Variants in FAM151B observed in about 807,000 individuals in gnomAD.
FAM151B encodes the protein protein FAM151B.
FAM151B carries 24 observed loss-of-function variants against 31.2 expected under a neutral mutation model. The ratio of observed to expected loss-of-function variants is 0.77; its 90% CI spans 0.56 to 1.08. The LOEUF (loss-of-function observed/expected upper bound fraction) is 1.08. FAM151B is among the 50% of genes least tolerant of loss of function. The pLI is 0.00. For synonymous variants in FAM151B, 105 were observed against 111.4 expected (o/e 0.94, Z 0.36); for missense variants, 293 against 328.6 (o/e 0.89, Z 0.84).
At chr5:80,491,498 C>T (rs1743329035) in intron 1 of FAM151B, among the ~76,000 whole-genome samples, 1 of 152,202 alleles carries the variant, frequency 6.6e-6, no homozygotes, top group African/African-American at 2.4e-5. Flanking sequence ...GCTGGAGTTA[C>T]AGTTGTGAGC....
chr5:80,526,674 A>G (rs904730508), intron 5 of FAM151B, among the ~76,000 whole-genome samples: 1 of 152,132 alleles, frequency 6.6e-6, no homozygotes, highest in East Asian at 1.9e-4. Flanking sequence ...AAAAAAATTT[A>G]TTCTCTTCAA....
intron 5 of FAM151B, among the ~76,000 whole-genome samples, chr5:80,528,569 C>T (rs1745076988): frequency 6.6e-6 from 1 of 151,964 alleles, no homozygotes; most frequent in Non-Finnish European, 1.5e-5. Context: ...AGTAGATATA[C>T]TTATATGAGA....
At chr5:80,499,004 TGGC>T (rs1214053606) in intron 1 of FAM151B, 3 of 172,634 alleles carry the variant, frequency 1.7e-5, no homozygotes, top group African/African-American at 7.3e-5. Flanking sequence ...CCACCACAGA[TGGC>T]AGATGGAAAA....
intron 5 of FAM151B, among the ~76,000 whole-genome samples, chr5:80,523,496 C>T (rs2112648752): frequency 6.6e-6 from 1 of 152,184 alleles, no homozygotes; most frequent in South Asian, 2.1e-4. Context: ...AATAGACGTT[C>T]ACATAAGCAC....
intron 2 of FAM151B, among the ~76,000 whole-genome samples, chr5:80,509,206 T>C (rs886793833): frequency 6.6e-6 from 1 of 151,970 alleles, no homozygotes; most frequent in Non-Finnish European, 1.5e-5. Context: ...CTTGAACTCC[T>C]ATGCTCAAGT....
intron 1 of FAM151B, among the ~76,000 whole-genome samples, chr5:80,494,480 C>CT (rs1396267102): frequency 3.6e-5 from 5 of 139,090 alleles, no homozygotes; most frequent in African/African-American, 8.5e-5. Context: ...TTCTTTCTTT[C>CT]TTTCTTTCTT....
chr5:80,505,288 C>T (rs1008099896), intron 2 of FAM151B, among the ~76,000 whole-genome samples: 9 of 151,386 alleles, frequency 5.9e-5, no homozygotes, highest in Non-Finnish European at 1.0e-4. Context: ...GGTGTGAGCA[C>T]CACACCCAGC....
chr5:80,494,073 A>T (rs1010713639), intron 1 of FAM151B, among the ~76,000 whole-genome samples: 2 of 152,202 alleles, frequency 1.3e-5, no homozygotes, highest in African/African-American at 4.8e-5. Flanking sequence ...GGGAAAATAG[A>T]AAAGAACGTA....
chr5:80,539,938 A>G (rs950738611), intron 5 of FAM151B, among the ~76,000 whole-genome samples: 2 of 151,980 alleles, frequency 1.3e-5, no homozygotes, highest in African/African-American at 4.8e-5. Context: ...TTATTTCTCT[A>G]TACATATATA....
chr5:80,520,394 C>T (rs572421061), intron 4 of FAM151B, among the ~76,000 whole-genome samples: 45 of 151,924 alleles, frequency 3.0e-4, no homozygotes, highest in South Asian at 6.2e-4. Flanking sequence ...CCTGTAATCA[C>T]CACACTTCGG....
intron 2 of FAM151B, among the ~76,000 whole-genome samples, chr5:80,507,299 A>G (rs1262849531): frequency 3.9e-5 from 6 of 152,138 alleles, no homozygotes; most frequent in African/African-American, 1.4e-4. Context: ...TTAGTTCTCA[A>G]CTAAGCTGTG....
At chr5:80,493,821 G>A (rs1743405919) in intron 1 of FAM151B, among the ~76,000 whole-genome samples, 2 of 152,170 alleles carry the variant, frequency 1.3e-5, no homozygotes, top group Admixed American at 6.5e-5. Flanking sequence ...ACCCTCATCA[G>A]TAATTCTAAT....
intron 2 of FAM151B, among the ~76,000 whole-genome samples, chr5:80,503,321 C>T (rs531969672): frequency 1.3e-5 from 2 of 152,274 alleles, no homozygotes; most frequent in South Asian, 4.1e-4. Context: ...GTAATCCCAG[C>T]ACTTTGGGAA....
chr5:80,518,309 T>C (rs575078323), intron 3 of FAM151B, among the ~76,000 whole-genome samples: 67 of 152,130 alleles, frequency 4.4e-4, no homozygotes, highest in African/African-American at 1.6e-3. Context: ...TAGTTCAAGG[T>C]TTTTCCTTAC....
At chr5:80,530,492 G>A (rs1275872246) in intron 5 of FAM151B, among the ~76,000 whole-genome samples, 1 of 152,152 alleles carries the variant, frequency 6.6e-6, no homozygotes, top group South Asian at 2.1e-4. Context: ...AAACCCTATT[G>A]TCTCAGCCCA....
At chr5:80,506,059 A>T (rs1743947484) in intron 2 of FAM151B, 1 of 985,914 alleles carries the variant, frequency 1.0e-6, no homozygotes, top group Non-Finnish European at 1.2e-6. Context: ...CCCGGCCAAG[A>T]ACTTTACTTT....
intron 5 of FAM151B, among the ~76,000 whole-genome samples, chr5:80,538,448 C>CTTTCTCTTTCTTTCTT (rs1235874356): frequency 8.1e-5 from 4 of 49,354 alleles, no homozygotes; most frequent in South Asian, 1.6e-3. Context: ...TTCTTTCTTT[C>CTTTCTCTTTCTTTCTT]TCTTTCTTTC....
At position 80,541,706 on chromosome 5, in the gene FAM151B, T is replaced by G. The variant is rs773980596; in HGVS notation, c.705T>G (p.Asp235Glu). 3 of 1,613,692 alleles carry G rather than the reference T, an allele frequency of 1.9e-6. No individual in the cohort carries two copies. The highest frequency in any genetic ancestry group is 2.5e-6 in the Non-Finnish European group (3 of 1,179,772). ...TGACTATTTGGACTGGAAAAAATGA[T>G]AACTATTCCGTTGAAGATTTACTTT... The part of the protein sequence containing the change: ...YSLTIWTGKN[D>E]NYSVEDLLYI... Residue 235 changes from aspartate to glutamate, a missense_variant, in exon 6 of 6, where the codon GAT becomes GAG. Physicochemically the swap from Asp to Glu is conservative, Grantham distance 45. Coordinates refer to ENST00000282226, the MANE Select transcript of FAM151B (RefSeq NM_205548.3).
In FAM151B at chr5:80,488,543, G is replaced by T. The variant is rs141155649; in HGVS notation, c.25+395G>T. Among the ~76,000 whole-genome samples the T allele has an allele frequency of 3.3e-4, 50 of 152,374 alleles. No individual in the cohort carries two copies. The East Asian group carries it at 5.2e-3, about 16-fold the overall frequency. On this transcript the variant is annotated intron_variant, in intron 1 of 5. Coordinates refer to ENST00000282226, the MANE Select transcript of FAM151B (RefSeq NM_205548.3). ...GGTTTGGGAATGCGGACTGGGCCGG[G>T]CCCGGCATAGTCCCGCTGCTGAGCG...
Sources: gnomAD v4.1 joint callset for allele counts (sites outside exome capture counted in the v4.1 genomes callset) on GRCh38, gnomAD v4.1.1 for gene constraint, MANE v1.5 for transcripts, NCBI Gene and HGNC (gene_info 2026-07-23, HGNC 2026-07-21) for gene names.